KCNIP3: variants seen among roughly 807,000 people sequenced by gnomAD.
The protein encoded by KCNIP3 is calsenilin.
Under a neutral mutation model 35.0 loss-of-function variants are expected in KCNIP3, and 28 were observed. The ratio of observed to expected loss-of-function variants is 0.80; its 90% CI spans 0.59 to 1.10. KCNIP3 has a LOEUF of 1.10. KCNIP3 is among the 50% of genes least tolerant of loss of function. The pLI is 0.00. For missense variants in KCNIP3, 295 were observed against 338.4 expected (o/e 0.87, Z 1.01); for synonymous variants, 134 against 133.8 (o/e 1.00, Z -0.01).
rs1233433413 is a variant in KCNIP3, at chr2:95,378,078, T to A, written c.447+2870T>A. Among the ~76,000 whole-genome samples, 2 of 152,226 alleles carry A rather than the reference T, an allele frequency of 1.3e-5. No individual in the cohort carries two copies. Among genetic ancestry groups the A allele is most frequent in the Admixed American group, 1.3e-4 (2 of 15,286 alleles). On this transcript the variant is annotated intron_variant, in intron 5 of 8. Coordinates refer to ENST00000295225, the MANE Select transcript of KCNIP3 (RefSeq NM_013434.5). The surrounding 1 kb of genome is among the most constrained non-coding windows in gnomAD (Gnocchi z 4.0). Reference sequence around the variant, plus strand: ...TAAACCATGCCCAAGCTTCAGTGATTATTATTCCCTAAACTTGGGCATAGT... The same window carrying A: ...TAAACCATGCCCAAGCTTCAGTGATAATTATTCCCTAAACTTGGGCATAGT...
At chr2:95,362,422 T>G (rs1679821863) in intron 2 of KCNIP3, among the ~76,000 whole-genome samples, 1 of 152,092 alleles carries the variant, frequency 6.6e-6, no homozygotes, top group South Asian at 2.1e-4. Context: ...ACTCTTCATA[T>G]AAGGCTACCA....
intron 2 of KCNIP3, among the ~76,000 whole-genome samples, chr2:95,333,011 C>T (rs1417846894): frequency 8.7e-6 from 1 of 115,554 alleles, no homozygotes; most frequent in East Asian, 2.6e-4. Flanking sequence ...TGCCCTGTCT[C>T]GCGTGAGTTC....
At chr2:95,360,557 C>T (rs1465754066) in intron 2 of KCNIP3, among the ~76,000 whole-genome samples, 1 of 152,240 alleles carries the variant, frequency 6.6e-6, no homozygotes, top group African/African-American at 2.4e-5. Context: ...ACAACACCCA[C>T]TCTCAGTACC....
At chr2:95,342,768 C>A (rs575074305) in intron 2 of KCNIP3, among the ~76,000 whole-genome samples, 1 of 152,198 alleles carries the variant, frequency 6.6e-6, no homozygotes, top group Non-Finnish European at 1.5e-5. Flanking sequence ...TCCTGGCTCC[C>A]GTCTGGTGGC....
chr2:95,330,689 G>A (rs1678907729), intron 2 of KCNIP3, among the ~76,000 whole-genome samples: 1 of 152,216 alleles, frequency 6.6e-6, no homozygotes, highest in Admixed American at 6.5e-5. Flanking sequence ...CTTTCAGCCA[G>A]GGTGCCGGGG....
intron 2 of KCNIP3, among the ~76,000 whole-genome samples, chr2:95,337,941 C>G (rs554017807): frequency 6.6e-6 from 1 of 152,162 alleles, no homozygotes; most frequent in Non-Finnish European, 1.5e-5. Context: ...GGCCCAACCA[C>G]GGGGCTACAG....
At position 95,346,220 on chromosome 2, in the gene KCNIP3, TC is replaced by T. The variant is rs553538618; in HGVS notation, c.182-28071del. 3.5e-3 allele frequency among the ~76,000 whole-genome samples: 529 copies of T among 151,820 alleles called. 3 individuals are homozygous for T. The highest frequency in any genetic ancestry group is 0.012 in the African/African-American group (504 of 41,422). On this transcript the variant is annotated intron_variant, in intron 2 of 8. Coordinates refer to ENST00000295225, the MANE Select transcript of KCNIP3 (RefSeq NM_013434.5). ...CGCCGGGGAGTGAGGGCTTCCCGGA[TC>T]CCCCGCCGCCGACTCCGCGCGGGCC...
rs1382880558 is a variant in KCNIP3 at position 95,299,964 on chromosome 2, A to G, written c.15+2511A>G. On this transcript the variant is annotated intron_variant, in intron 1 of 8. Coordinates refer to ENST00000295225, the MANE Select transcript of KCNIP3 (RefSeq NM_013434.5). ...CAAGGCAGCTGTTGGTATCATCCCC[A>G]CTTCACAGATGGGGAAACAGAGGCC... is the stretch of plus-strand genomic sequence containing the variant. Among the ~76,000 whole-genome samples, 5 of 152,270 alleles carry G rather than the reference A, an allele frequency of 3.3e-5. No homozygotes were observed. In the South Asian group the frequency reaches 6.2e-4, roughly 19 times the overall value.
chr2:95,311,918 A>T (rs191811685), intron 2 of KCNIP3: 1 of 152,344 alleles, frequency 6.6e-6, no homozygotes, highest in Admixed American at 6.5e-5. Flanking sequence ...TGAGGTCACT[A>T]AAAGCACATG....
chr2:95,304,595 G>T (rs1321340481), intron 1 of KCNIP3, among the ~76,000 whole-genome samples: 2 of 152,204 alleles, frequency 1.3e-5, no homozygotes, highest in African/African-American at 4.8e-5. Flanking sequence ...ACAGGAGAAC[G>T]CATACCCCAG....
At chr2:95,348,024 G>T (rs543190563) in intron 2 of KCNIP3, among the ~76,000 whole-genome samples, 1 of 152,258 alleles carries the variant, frequency 6.6e-6, no homozygotes, top group Non-Finnish European at 1.5e-5. Flanking sequence ...GCTGAGTGCG[G>T]GAAGGGGCAG....
intron 2 of KCNIP3, among the ~76,000 whole-genome samples, chr2:95,336,592 T>A (rs1679065203): frequency 6.6e-6 from 1 of 152,224 alleles, no homozygotes; most frequent in Non-Finnish European, 1.5e-5. Context: ...TGTCTAACAA[T>A]TTTTTATTGC....
chr2:95,383,120 C>T (rs1680388477), intron 7 of KCNIP3, 112 bp from the exon 8 acceptor site: 8 of 402,134 alleles, frequency 2.0e-5, no homozygotes, highest in South Asian at 1.6e-4. Flanking sequence ...AGCCCACCCG[C>T]CCATCCACCC....
intron 1 of KCNIP3, among the ~76,000 whole-genome samples, chr2:95,309,133 AG>A (rs1189277214): frequency 6.6e-6 from 1 of 152,178 alleles, no homozygotes; most frequent in African/African-American, 2.4e-5. Context: ...CCAATGGGCC[AG>A]ACCACACCTG....
chr2:95,368,179 A>G (rs1679961690), intron 2 of KCNIP3, among the ~76,000 whole-genome samples: 1 of 152,254 alleles, frequency 6.6e-6, no homozygotes, highest in Admixed American at 6.5e-5. Flanking sequence ...TGCTAAGGAT[A>G]ACCTTCTAAT....
intron 2 of KCNIP3, among the ~76,000 whole-genome samples, chr2:95,356,819 G>A (rs1191779754): frequency 2.6e-5 from 4 of 152,102 alleles, no homozygotes; most frequent in South Asian, 2.1e-4. Flanking sequence ...GTGTACATTC[G>A]CTTTACTTCT....
chr2:95,375,080 G>A, intron 4 of KCNIP3, 58 bp from the exon 5 acceptor site: 2 of 1,569,538 alleles, frequency 1.3e-6, no homozygotes, highest in Admixed American at 1.7e-5. Flanking sequence ...TGCCTGGGGT[G>A]GGAGATGAGC....
chr2:95,351,830 A>T (rs1485407176), intron 2 of KCNIP3, among the ~76,000 whole-genome samples: 1 of 152,098 alleles, frequency 6.6e-6, no homozygotes, highest in East Asian at 1.9e-4. Flanking sequence ...ACAAAAAAAG[A>T]TCCAAGTGGA....
chr2:95,306,521 G>C (rs976171543), intron 1 of KCNIP3, among the ~76,000 whole-genome samples: 2 of 152,204 alleles, frequency 1.3e-5, no homozygotes, highest in Non-Finnish European at 2.9e-5. Flanking sequence ...TGCTGAGATG[G>C]AGGTGCATGG....
Sources: allele counts gnomAD v4.1 joint callset (sites outside exome capture counted in the v4.1 genomes callset), GRCh38; gene constraint gnomAD v4.1.1; non-coding constraint Gnocchi (gnomAD v3.1); transcripts MANE v1.5; gene names NCBI Gene and HGNC (gene_info 2026-07-23, HGNC 2026-07-21).